MICALL1: variants seen among roughly 807,000 people sequenced by gnomAD.
MICALL1 encodes MICAL-like protein 1.
Under a neutral mutation model 83.7 loss-of-function variants are expected in MICALL1, and 61 were observed. The observed-to-expected ratio is 0.73, with a 90% confidence interval of 0.59 to 0.90. MICALL1 has a LOEUF of 0.90. MICALL1 is among the 40% of genes least tolerant of loss of function. The probability of loss-of-function intolerance (pLI) is 0.00; values close to 1 mark genes in which losing one functional copy is unlikely to be tolerated. For synonymous variants in MICALL1, 481 were observed against 473.6 expected (o/e 1.02, Z -0.20); for missense variants, 1,066 against 1,152.0 (o/e 0.93, Z 1.08).
Position 37,925,647 on chromosome 22 carries a change from C to T in MICALL1, c.1083-14C>T. ...CCTCTGCTAATGGTTTCTGCTGCTT[C>T]CCCCCTCCTCCAGGACACCAGCCCC... is the stretch of plus-strand genomic sequence containing the variant. On this transcript the variant is annotated splice_polypyrimidine_tract_variant and intron_variant, in intron 7 of 15. Coordinates refer to ENST00000215957, the MANE Select transcript of MICALL1 (RefSeq NM_033386.4). The T allele has an allele frequency of 1.4e-6, 2 of 1,445,058 alleles. No individual in the cohort carries two copies. Among genetic ancestry groups the T allele is most frequent in the Non-Finnish European group, 9.4e-7 (1 of 1,062,264 alleles). 89.5% of individuals were successfully genotyped at this position (1,445,058 alleles called of 1,614,324 possible). A position where few individuals can be genotyped will look rare whatever the true frequency, so the allele number is the denominator to read the frequency against.
At chr22:37,912,560 G>A in intron 3 of MICALL1, 68 bp downstream of exon 3, 3 of 1,445,214 alleles carry the variant, frequency 2.1e-6, no homozygotes, top group Non-Finnish European at 2.8e-6. Context: ...TCTGATGCTT[G>A]CTACTGGTTT....
At position 37,941,023 on chromosome 22, in the gene MICALL1, C is replaced by T. The variant is rs1316868130; in HGVS notation, c.*193C>T. On this transcript the variant is annotated 3_prime_UTR_variant, in exon 16 of 16. Coordinates refer to ENST00000215957, the MANE Select transcript of MICALL1 (RefSeq NM_033386.4). ...TGGGCCAAAGAATCTCTTGTTTCTT[C>T]TCCGAGCCCCAGGCAGCGGTGATTC... 4 of 628,790 alleles carry T rather than the reference C, an allele frequency of 6.4e-6. No individual in the cohort carries two copies. Among genetic ancestry groups the T allele is most frequent in the African/African-American group, 5.6e-5 (3 of 53,794 alleles). The allele number at this position is 628,790 out of a possible 1,614,324, so 39.0% of individuals were successfully genotyped here. A position where few individuals can be genotyped will look rare whatever the true frequency, so the allele number is the denominator to read the frequency against.
intron 6 of MICALL1, among the ~76,000 whole-genome samples, chr22:37,923,993 C>T (rs575472360): frequency 4.6e-5 from 7 of 152,224 alleles, no homozygotes; most frequent in Admixed American, 1.3e-4. Flanking sequence ...GATGACCTCC[C>T]TGGGTTTCCG....
rs769297867 is a variant in MICALL1, at chr22:37,912,383, C to T, written c.228C>T (p.Ile76=). 7 of 1,613,512 alleles carry T rather than the reference C, an allele frequency of 4.3e-6. No homozygotes were observed. Among genetic ancestry groups the T allele is most frequent in the Non-Finnish European group, 5.9e-6 (7 of 1,179,604 alleles). ...AFEVAEKELG[I]PALLDPNDMV... Reference sequence around the variant, plus strand: ...AAGTGGCTGAGAAGGAGCTGGGGATCCCCGCTCTCCTGGACCCCAATGACA... The same window carrying T: ...AAGTGGCTGAGAAGGAGCTGGGGATTCCCGCTCTCCTGGACCCCAATGACA... Residue 76 remains isoleucine, a synonymous_variant, in exon 3 of 16, where the codon ATC becomes ATT. Transcript: ENST00000215957.
chr22:37,925,661 G>A lies in MICALL1; in HGVS notation c.1083G>A (p.Gly361=). 1 of 1,597,140 alleles carries A rather than the reference G, an allele frequency of 6.3e-7. No individual in the cohort carries two copies. Among genetic ancestry groups the A allele is most frequent in the Non-Finnish European group, 8.5e-7 (1 of 1,171,200 alleles). Residue 361 remains glycine, a splice_region_variant and synonymous_variant, in exon 8 of 16, where the codon GGG becomes GGA. Transcript: ENST00000215957. ...TTCTGCTGCTTCCCCCCTCCTCCAG[G>A]ACACCAGCCCCCAGGAAGGACCCCC... ...KPRGTPKPSE[G]TPAPRKDPPW...
At chr22:37,929,659 T>G (rs945481990) in intron 9 of MICALL1, among the ~76,000 whole-genome samples, 1 of 152,206 alleles carries the variant, frequency 6.6e-6, no homozygotes, top group Non-Finnish European at 1.5e-5. Context: ...TGGGCTCACC[T>G]GTTTCTCAGC....
intron 15 of MICALL1, among the ~76,000 whole-genome samples, chr22:37,939,130 A>G (rs1930292693): frequency 6.6e-6 from 1 of 152,190 alleles, no homozygotes; most frequent in African/African-American, 2.4e-5. Context: ...ACTCAGGCCA[A>G]GTCAGACTAC....
At chr22:37,925,421 G>A (rs755279996) in intron 7 of MICALL1, among the ~76,000 whole-genome samples, 1 of 152,110 alleles carries the variant, frequency 6.6e-6, no homozygotes, top group African/African-American at 2.4e-5. Context: ...GCCCCTGGTC[G>A]ATCCTTTCCT....
chr22:37,939,843 C>T (rs572713964), intron 15 of MICALL1, among the ~76,000 whole-genome samples: 1 of 150,040 alleles, frequency 6.7e-6, no homozygotes, highest in East Asian at 2.0e-4. Context: ...AATCCCAGCA[C>T]TTTAGGAGGC....
chr22:37,934,665 C>T (rs987275189), intron 13 of MICALL1, among the ~76,000 whole-genome samples: 6 of 150,728 alleles, frequency 4.0e-5, no homozygotes, highest in African/African-American at 9.7e-5. Context: ...GGCGCGATCT[C>T]GGCTCACTGC....
At chr22:37,911,921 T>C (rs1441198550) in intron 1 of MICALL1, 31 bp from the exon 2 acceptor site, 7 of 1,613,796 alleles carry the variant, frequency 4.3e-6, no homozygotes, top group Middle Eastern at 3.3e-4. Context: ...CCTCCCCTCT[T>C]GACCAACCCT....
At chr22:37,916,812 G>A (rs1283248246) in intron 3 of MICALL1, among the ~76,000 whole-genome samples, 1 of 152,014 alleles carries the variant, frequency 6.6e-6, no homozygotes, top group African/African-American at 2.4e-5. Context: ...GGCTTCTAAG[G>A]GCCTCTCCCC....
intron 9 of MICALL1, among the ~76,000 whole-genome samples, chr22:37,928,539 A>C (rs558133071): frequency 3.3e-5 from 5 of 152,166 alleles, no homozygotes; most frequent in African/African-American, 9.6e-5. Flanking sequence ...CTGGCCTCTG[A>C]CTTCCTGAGT....
rs932718769 is a variant in MICALL1, at chr22:37,919,086, C to G, written c.477C>G (p.Thr159=). 3.1e-5 allele frequency: 48 copies of G among 1,552,274 alleles called. No homozygotes were observed. The highest frequency in any genetic ancestry group is 4.0e-5 in the Non-Finnish European group (46 of 1,147,846). Residue 159 remains threonine, a synonymous_variant, in exon 5 of 16, where the codon ACC becomes ACG. Transcript: ENST00000215957. The part of the protein sequence containing the change: ...GSLSEQGTGQ[T]PSSTCAACQQ... ...TGTCAGAGCAGGGCACCGGCCAGAC[C>G]CCCAGCAGCACGTGCGCAGCCTGCC...
intron 3 of MICALL1, among the ~76,000 whole-genome samples, chr22:37,915,827 A>G (rs745423432): frequency 6.6e-6 from 1 of 151,730 alleles, no homozygotes; most frequent in Non-Finnish European, 1.5e-5. Context: ...TTGTATTTTT[A>G]GTAGAGATAG....
intron 7 of MICALL1, 95 bp from the exon 8 acceptor site, chr22:37,925,566 C>A: frequency 1.3e-6 from 1 of 781,848 alleles, no homozygotes. Context: ...GTTTCTCATC[C>A]ACCCCCTTTG....
chr22:37,922,368 C>A lies in MICALL1; in HGVS notation c.966C>A (p.Arg322=). The A allele has an allele frequency of 6.5e-7, 1 of 1,533,986 alleles. No individual in the cohort carries two copies. ...CAGCACCCCCCACGCCCCGGCCCCG[C>A]TCCAGTCTGCAGCAGGAGAACCTGG... is the stretch of plus-strand genomic sequence containing the variant. ...TTPAPPTPRP[R]SSLQQENLVE... is the part of the protein sequence containing the mutation. The change falls in exon 6 of 16, where the codon CGC becomes CGA. Residue 322 remains arginine (R), a synonymous_variant. Coordinates refer to ENST00000215957, the MANE Select transcript of MICALL1 (RefSeq NM_033386.4).
rs939940383 is a variant in MICALL1 at position 37,930,386 on chromosome 22, C to T, written c.1882-1413C>T. Among the ~76,000 whole-genome samples the T allele has an allele frequency of 6.6e-6, 1 of 152,172 alleles. No individual in the cohort carries two copies. Among genetic ancestry groups the T allele is most frequent in the Admixed American group, 6.5e-5 (1 of 15,286 alleles). On this transcript the variant is annotated intron_variant, in intron 9 of 15. Transcript: ENST00000215957. This position sits in a 1 kb window ranked among gnomAD's most constrained non-coding sequence, Gnocchi z 4.8. ...CTGCCCTGTGGGAGCCAAGCCCTGGCTTCTTGCTGTGCCCAGACCTGGGCC... is the reference window on the plus strand; with the variant it reads ...CTGCCCTGTGGGAGCCAAGCCCTGGTTTCTTGCTGTGCCCAGACCTGGGCC...
In MICALL1 at chr22:37,922,132, C is replaced by T; in HGVS notation, c.730C>T (p.Gln244Ter). ...FSQPKQQHQQ[Q>*]LAEDAKDVPG... is the part of the protein sequence containing the mutation. ...ACAGCCAAAGCAGCAGCACCAGCAGCAACTCGCAGAAGATGCCAAGGATGT... is the reference window on the plus strand; with the variant it reads ...ACAGCCAAAGCAGCAGCACCAGCAGTAACTCGCAGAAGATGCCAAGGATGT... Residue 244 changes from glutamine to a stop codon, truncating the protein, a stop_gained, in exon 6 of 16, where the codon CAA (glutamine) becomes TAA (stop). Transcript: ENST00000215957. LOFTEE classifies it high-confidence loss of function. The T allele has an allele frequency of 6.2e-7, 1 of 1,613,308 alleles. No homozygotes were observed. Among genetic ancestry groups the T allele is most frequent in the South Asian group, 1.1e-5 (1 of 91,090 alleles).
Sources: gnomAD v4.1 joint callset for allele counts (sites outside exome capture counted in the v4.1 genomes callset) on GRCh38, gnomAD v4.1.1 for gene constraint, Gnocchi (gnomAD v3.1) non-coding constraint, MANE v1.5 for transcripts, NCBI Gene and HGNC (gene_info 2026-07-23, HGNC 2026-07-21) for gene names.